Variants in HORMAD2 observed in about 807,000 individuals in gnomAD.
The protein encoded by HORMAD2 is HORMA domain-containing protein 2.
Under a neutral mutation model 38.8 loss-of-function variants are expected in HORMAD2, and 45 were observed. The ratio of observed to expected loss-of-function variants is 1.16; its 90% CI spans 0.91 to 1.49. The LOEUF (loss-of-function observed/expected upper bound fraction) is 1.49. Among genes scored for constraint, HORMAD2 ranks in the 40% most tolerant of loss-of-function variants. HORMAD2 has a pLI of 0.00. For synonymous variants in HORMAD2, 126 were observed against 122.8 expected, an observed-to-expected ratio of 1.03 and a Z score of -0.17; for missense variants, 338 against 367.0, an observed-to-expected ratio of 0.92 and a Z score of 0.65.
intron 10 of HORMAD2, among the ~76,000 whole-genome samples, chr22:30,175,223 T>TAGA (rs1470847638): frequency 4.4e-4 from 59 of 133,824 alleles, no homozygotes; most frequent in African/African-American, 1.6e-3. Flanking sequence ...TTATATATTA[T>TAGA]ATTATAGAAT....
the HORMAD2 span, among the ~76,000 whole-genome samples, chr22:30,196,099 A>G: frequency 1.3e-5 from 2 of 152,238 alleles, no homozygotes; most frequent in South Asian, 4.1e-4. Context: ...AAGCCACTAC[A>G]GAGCCACTTC....
intron 10 of HORMAD2, among the ~76,000 whole-genome samples, chr22:30,175,555 C>T (rs1037145328): frequency 6.6e-6 from 1 of 151,746 alleles, no homozygotes; most frequent in Non-Finnish European, 1.5e-5. Flanking sequence ...AAATATATAT[C>T]TATAATGATT....
intron 10 of HORMAD2, among the ~76,000 whole-genome samples, chr22:30,130,990 GT>G (rs201800040): frequency 2.7e-5 from 4 of 150,582 alleles, no homozygotes; most frequent in Non-Finnish European, 5.9e-5. Context: ...CTGGGAAGTT[GT>G]TTTTTTTTCC....
In HORMAD2 at chr22:30,089,151, C is replaced by T. The variant is rs547725993; in HGVS notation, c.-37-4765C>T. Among the ~76,000 whole-genome samples the T allele has an allele frequency of 4.2e-4, 64 of 152,224 alleles. No homozygotes were observed. In the South Asian group the frequency reaches 0.01, roughly 25 times the overall value. ...GGCAGTGTTCGCAAATAATTCTGCC[C>T]TCTTGGGAAAAATCTTCAAGAATCT... On this transcript the variant is annotated intron_variant, in intron 1 of 10. Transcript: ENST00000336726.
At chr22:30,123,365 C>T (rs560614892) in intron 10 of HORMAD2, among the ~76,000 whole-genome samples, 19 of 152,220 alleles carry the variant, frequency 1.2e-4, no homozygotes, top group African/African-American at 4.3e-4. Context: ...GACAGGGTCT[C>T]GCTCTGTTGC....
chr22:30,127,442 C>T (rs5753019), intron 10 of HORMAD2, among the ~76,000 whole-genome samples: 9,008 of 152,036 alleles, frequency 0.059, 489 homozygotes, highest in South Asian at 0.23. Context: ...CTCCTGACTT[C>T]GTGATCCGCC....
At chr22:30,172,381 A>G (rs1220243764) in intron 10 of HORMAD2, among the ~76,000 whole-genome samples, 2 of 152,206 alleles carry the variant, frequency 1.3e-5, no homozygotes, top group African/African-American at 2.4e-5. Context: ...ATTGTATTGC[A>G]TTATACTGTA....
At position 30,122,215 on chromosome 22, in the gene HORMAD2, G is replaced by T. The variant is rs779651508; in HGVS notation, c.819+1G>T. 21 of 1,605,854 alleles carry T rather than the reference G, an allele frequency of 1.3e-5. No individual in the cohort carries two copies. Among genetic ancestry groups the T allele is most frequent in the Non-Finnish European group, 1.8e-5 (21 of 1,175,870 alleles). On this transcript the variant is annotated splice_donor_variant, in intron 10 of 10. Transcript: ENST00000336726. LOFTEE classifies it high-confidence loss of function. ...TGAGGAAGAAGAATGCAATGACCAT[G>T]TAAGGCAAAGCTTTAGAGATTTTCT...
At chr22:30,081,813 T>C (rs1426419176) in intron 1 of HORMAD2, among the ~76,000 whole-genome samples, 1 of 152,070 alleles carries the variant, frequency 6.6e-6, no homozygotes, top group Non-Finnish European at 1.5e-5. Flanking sequence ...TCTCGATCTC[T>C]TGACCTCGTG....
At chr22:30,097,435 T>C (rs925078888) in intron 2 of HORMAD2, among the ~76,000 whole-genome samples, 2 of 152,330 alleles carry the variant, frequency 1.3e-5, no homozygotes, top group Non-Finnish European at 2.9e-5. Context: ...TGTATATATA[T>C]ACACACATAA....
chr22:30,192,383 A>G, the HORMAD2 span, among the ~76,000 whole-genome samples: 138,554 of 152,156 alleles, frequency 0.91, 63,198 homozygotes, highest in East Asian at 1. Flanking sequence ...ATAGAGTCAG[A>G]CAGGAAGAGC....
chr22:30,203,377 A>G, the HORMAD2 span, among the ~76,000 whole-genome samples: 5 of 141,500 alleles, frequency 3.5e-5, no homozygotes, highest in African/African-American at 1.3e-4. Context: ...CCTGGACAAC[A>G]GAGCAAGACT....
intron 10 of HORMAD2, among the ~76,000 whole-genome samples, chr22:30,138,229 C>T (rs1224263050): frequency 2.0e-5 from 3 of 148,008 alleles, no homozygotes; most frequent in Admixed American, 6.9e-5. Context: ...CATGTATATT[C>T]GGATCTTTTG....
chr22:30,086,786 T>G (rs1345031146), intron 1 of HORMAD2, among the ~76,000 whole-genome samples: 2 of 150,680 alleles, frequency 1.3e-5, no homozygotes, highest in Admixed American at 6.6e-5. Context: ...ACATTTGAGA[T>G]ATATATATAT....
chr22:30,175,726 G>A (rs560655296), intron 10 of HORMAD2, among the ~76,000 whole-genome samples: 1 of 152,230 alleles, frequency 6.6e-6, no homozygotes, highest in South Asian at 2.1e-4. Flanking sequence ...AGCAGTCAGT[G>A]CCCCAGATCT....
chr22:30,107,038 A>G lies in HORMAD2; in HGVS notation c.294+2601A>G, dbSNP rs115008041. Among the ~76,000 whole-genome samples, 905 of 152,358 alleles carry G rather than the reference A, an allele frequency of 5.9e-3. 7 individuals are homozygous for G. Among genetic ancestry groups the G allele is most frequent in the African/African-American group, 0.021 (859 of 41,584 alleles). ...AAATGGTTAGAACAATGCCTGGCAC[A>G]TAACAAATACTATGTATGTGTTAAA... On this transcript the variant is annotated intron_variant, in intron 5 of 10. Coordinates refer to ENST00000336726, the MANE Select transcript of HORMAD2 (RefSeq NM_152510.4).
the HORMAD2 span, among the ~76,000 whole-genome samples, chr22:30,184,414 C>T: frequency 6.6e-6 from 1 of 152,298 alleles, no homozygotes; most frequent in Middle Eastern, 3.4e-3. Context: ...AATAATGAAA[C>T]TTTTCACTCA....
At chr22:30,144,574 C>A (rs1924292455) in intron 10 of HORMAD2, among the ~76,000 whole-genome samples, 1 of 152,200 alleles carries the variant, frequency 6.6e-6, no homozygotes, top group Admixed American at 6.5e-5. Context: ...GGTACGGGGA[C>A]AACGGTGTGC....
At position 30,176,614 on chromosome 22, in the gene HORMAD2, T is replaced by C. The variant is rs745451358; in HGVS notation, c.*447T>C. Reference sequence around the variant, plus strand: ...TATTAAAAATTCCCACAGAGTTGCATAGGATGTGTGGAGGTGCTTATCCAG... The same window carrying C: ...TATTAAAAATTCCCACAGAGTTGCACAGGATGTGTGGAGGTGCTTATCCAG... On this transcript the variant is annotated 3_prime_UTR_variant, in exon 11 of 11. Transcript: ENST00000336726. The C allele has an allele frequency of 6.4e-6, 1 of 155,822 alleles. No homozygotes were observed. Among genetic ancestry groups the C allele is most frequent in the East Asian group, 1.8e-4 (1 of 5,410 alleles). 9.7% of individuals were successfully genotyped at this position (155,822 alleles called of 1,614,324 possible).
Sources: gnomAD v4.1 joint callset for allele counts (sites outside exome capture counted in the v4.1 genomes callset) on GRCh38, gnomAD v4.1.1 for gene constraint, MANE v1.5 for transcripts, NCBI Gene and HGNC (gene_info 2026-07-23, HGNC 2026-07-21) for gene names.